HAPLN3: variants seen among roughly 807,000 people sequenced by gnomAD.
The protein encoded by HAPLN3 is hyaluronan and proteoglycan link protein 3.
A neutral mutation model predicts 28.1 loss-of-function variants in HAPLN3; 28 were observed. The observed-to-expected ratio is 1.00, with a 90% confidence interval of 0.74 to 1.37. The LOEUF (loss-of-function observed/expected upper bound fraction) is 1.37. Among genes scored for constraint, HAPLN3 ranks in the 40% most tolerant of loss-of-function variants. HAPLN3 has a pLI of 0.00. For synonymous variants in HAPLN3, 211 were observed against 213.1 expected, an observed-to-expected ratio of 0.99 and a Z score of 0.09; for missense variants, 513 against 504.6, an observed-to-expected ratio of 1.02 and a Z score of -0.16.
chr15:88,887,417 A>G (rs1897894209), intron 1 of HAPLN3, 72 bp from the exon 2 acceptor site: 5 of 1,355,022 alleles, frequency 3.7e-6, no homozygotes, highest in Non-Finnish European at 5.1e-6. Flanking sequence ...CTGCTCCAAC[A>G]CCACTCACTC....
rs1395838276 is a variant in HAPLN3, at chr15:88,880,476, G to A, written c.493+881C>T. 2.4e-6 allele frequency: 3 copies of A among 1,244,038 alleles called. No homozygotes were observed. The highest frequency in any genetic ancestry group is 1.2e-4 in the East Asian group (2 of 17,356). 77.1% of individuals were successfully genotyped at this position (1,244,038 alleles called of 1,614,324 possible). ...CCCCATTTTACACCTGAGAGGCCCAGGGCTCTAAGGGGGATGAGGCATTTA... is the reference window on the plus strand; with the variant it reads ...CCCCATTTTACACCTGAGAGGCCCAAGGCTCTAAGGGGGATGAGGCATTTA... On this transcript the variant is annotated intron_variant, in intron 3 of 4. Transcript: ENST00000359595. This position sits in a 1 kb window ranked among gnomAD's most constrained non-coding sequence, Gnocchi z 6.0.
chr15:88,879,323 G>A lies in HAPLN3; in HGVS notation c.494-54C>T. 6.3e-7 allele frequency: 1 copy of A among 1,599,142 alleles called. No homozygotes were observed. The highest frequency in any genetic ancestry group is 8.5e-7 in the Non-Finnish European group (1 of 1,177,932). ...GGGTGGCCAGGGGCCCAGCTGGCTG[G>A]ACACCCCGCTCTCCTCCCACCTTCA... On this transcript the variant is annotated intron_variant, in intron 3 of 4. Coordinates refer to ENST00000359595, the MANE Select transcript of HAPLN3 (RefSeq NM_178232.4). The surrounding 1 kb of genome is among the most constrained non-coding windows in gnomAD (Gnocchi z 5.0).
rs1897660675 is a variant in HAPLN3 at position 88,880,221 on chromosome 15, G to GT, written c.494-953dup. On this transcript the variant is annotated intron_variant, in intron 3 of 4. Transcript: ENST00000359595. This position sits in a 1 kb window ranked among gnomAD's most constrained non-coding sequence, Gnocchi z 6.0. The stretch of plus-strand genomic sequence containing the variant: ...TAGCCCTTGAAGCCCCGGGAATGGG[G>GT]TGAGGGCTCCCTGTTTCTCTAGGCT... 1.0e-6 allele frequency: 1 copy of GT among 998,956 alleles called. No individual in the cohort carries two copies. Among genetic ancestry groups the GT allele is most frequent in the Admixed American group, 5.8e-5 (1 of 17,166 alleles). The allele number at this position is 998,956 out of a possible 1,614,324, so 61.9% of individuals were successfully genotyped here. A position where few individuals can be genotyped will look rare whatever the true frequency, so the allele number is the denominator to read the frequency against.
Position 88,888,854 on chromosome 15 carries a change from G to T in HAPLN3, c.-47-1509C>A, listed in dbSNP as rs1291691698. 6.6e-6 allele frequency among the ~76,000 whole-genome samples: 1 copy of T among 152,222 alleles called. No individual in the cohort carries two copies. Among genetic ancestry groups the T allele is most frequent in the Admixed American group, 6.5e-5 (1 of 15,276 alleles). ...CCAGTAGGGCACTGCCACTACAAAG[G>T]TGCAGATGCCAGCAAGAGTCCCAAG... On this transcript the variant is annotated intron_variant, in intron 1 of 4. Coordinates refer to ENST00000359595, the MANE Select transcript of HAPLN3 (RefSeq NM_178232.4). The surrounding 1 kb of genome is among the most constrained non-coding windows in gnomAD (Gnocchi z 4.1).
At chr15:88,893,803 T>C (rs1898079593) in intron 1 of HAPLN3, among the ~76,000 whole-genome samples, 1 of 151,390 alleles carries the variant, frequency 6.6e-6, no homozygotes, top group Non-Finnish European at 1.5e-5. Flanking sequence ...TGATGAGCGC[T>C]TGTAGTCCCA....
chr15:88,886,699 C>A (rs1421598562), intron 2 of HAPLN3, among the ~76,000 whole-genome samples: 1 of 152,082 alleles, frequency 6.6e-6, no homozygotes, highest in Non-Finnish European at 1.5e-5. Flanking sequence ...GTGGCACATG[C>A]TTGTAATCCC....
chr15:88,883,003 G>A (rs1897748690), intron 2 of HAPLN3, among the ~76,000 whole-genome samples: 1 of 152,132 alleles, frequency 6.6e-6, no homozygotes, highest in Non-Finnish European at 1.5e-5. Context: ...AGACTCTGTT[G>A]CCAAAAACAA....
chr15:88,894,795 C>G (rs1898112796), intron 1 of HAPLN3, among the ~76,000 whole-genome samples: 1 of 152,316 alleles, frequency 6.6e-6, no homozygotes, highest in East Asian at 1.9e-4. Context: ...ACTGGCTGCG[C>G]ACAAGCCTAC....
intron 1 of HAPLN3, among the ~76,000 whole-genome samples, chr15:88,890,953 C>A (rs1897996631): frequency 6.6e-6 from 1 of 150,902 alleles, no homozygotes; most frequent in African/African-American, 2.4e-5. Context: ...TCTCGGCTCA[C>A]TGCAACTTCT....
chr15:88,878,880 G>T (rs1231973145), intron 4 of HAPLN3, 87 bp downstream of exon 4: 28 of 1,376,372 alleles, frequency 2.0e-5, no homozygotes, highest in Non-Finnish European at 2.6e-5. Context: ...AGCCAGCAGA[G>T]GGGGCCAGAG....
At chr15:88,887,397 C>A in intron 1 of HAPLN3, 52 bp from the exon 2 acceptor site, 3 of 1,487,854 alleles carry the variant, frequency 2.0e-6, no homozygotes, top group Non-Finnish European at 2.7e-6. Context: ...TTCCAGGGCC[C>A]ACATCCCCTC....
At chr15:88,885,988 T>A (rs1391890396) in intron 2 of HAPLN3, among the ~76,000 whole-genome samples, 1 of 152,206 alleles carries the variant, frequency 6.6e-6, no homozygotes, top group Non-Finnish European at 1.5e-5. Flanking sequence ...AGAATCTACT[T>A]TCAGGCTGTG....
rs369947454 is a variant in HAPLN3 at position 88,881,045 on chromosome 15, T to C, written c.493+312A>G. 394 of 400,422 alleles carry C rather than the reference T, an allele frequency of 9.8e-4. 12 individuals carry two copies. In the South Asian group the frequency reaches 0.012, roughly 12 times the overall value. 24.8% of individuals were successfully genotyped at this position (400,422 alleles called of 1,614,324 possible). On this transcript the variant is annotated intron_variant, in intron 3 of 4. Coordinates refer to ENST00000359595, the MANE Select transcript of HAPLN3 (RefSeq NM_178232.4). This position sits in a 1 kb window ranked among gnomAD's most constrained non-coding sequence, Gnocchi z 6.0. ...CTCTAATAAGCTGTGGGACCAGCTCTGGTTTTCCTCTCTCTGAATGAGATG... is the reference window on the plus strand; with the variant it reads ...CTCTAATAAGCTGTGGGACCAGCTCCGGTTTTCCTCTCTCTGAATGAGATG...
At position 88,879,437 on chromosome 15, in the gene HAPLN3, C is replaced by G. The variant is rs748109738; in HGVS notation, c.494-168G>C. 2.6e-6 allele frequency: 4 copies of G among 1,534,412 alleles called. No individual in the cohort carries two copies. The Admixed American group carries it at 7.8e-5, about 30-fold the overall frequency. On this transcript the variant is annotated intron_variant, in intron 3 of 4. Coordinates refer to ENST00000359595, the MANE Select transcript of HAPLN3 (RefSeq NM_178232.4). This position sits in a 1 kb window ranked among gnomAD's most constrained non-coding sequence, Gnocchi z 5.0. ...TCTGACCTCCTGTCCGTTGCCGCCT[C>G]TCTCCTGGGACTCAGCTGGTTCACA... is the stretch of plus-strand genomic sequence containing the variant.
Position 88,877,883 on chromosome 15 carries a change from T to C in HAPLN3, c.*87A>G, listed in dbSNP as rs1897571407. Reference sequence around the variant, plus strand: ...TTAAATTGAGAAGTATAAAAACAGTTAAAATGGCTCCAACCCACAAGGGAA... The same window carrying C: ...TTAAATTGAGAAGTATAAAAACAGTCAAAATGGCTCCAACCCACAAGGGAA... On this transcript the variant is annotated 3_prime_UTR_variant, in exon 5 of 5. Transcript: ENST00000359595. This position sits in a 1 kb window ranked among gnomAD's most constrained non-coding sequence, Gnocchi z 5.1. 1.7e-5 allele frequency: 22 copies of C among 1,329,770 alleles called. No homozygotes were observed. The highest frequency in any genetic ancestry group is 2.2e-5 in the Non-Finnish European group (21 of 975,492). 82.4% of individuals were successfully genotyped at this position (1,329,770 alleles called of 1,614,324 possible). A position where few individuals can be genotyped will look rare whatever the true frequency, so the allele number is the denominator to read the frequency against.
chr15:88,894,881 C>G (rs1898115002), intron 1 of HAPLN3, among the ~76,000 whole-genome samples: 1 of 152,206 alleles, frequency 6.6e-6, no homozygotes, highest in African/African-American at 2.4e-5. Flanking sequence ...CCTCGCTGTC[C>G]CTGGGGCAAG....
chr15:88,877,692 G>T lies in HAPLN3; in HGVS notation c.*278C>A. The T allele has an allele frequency of 2.5e-6, 1 of 404,782 alleles. No homozygotes were observed. Among genetic ancestry groups the T allele is most frequent in the Non-Finnish European group, 4.4e-6 (1 of 226,876 alleles). The allele number at this position is 404,782 out of a possible 1,614,324, so 25.1% of individuals were successfully genotyped here. On this transcript the variant is annotated 3_prime_UTR_variant, in exon 5 of 5. Coordinates refer to ENST00000359595, the MANE Select transcript of HAPLN3 (RefSeq NM_178232.4). This position sits in a 1 kb window ranked among gnomAD's most constrained non-coding sequence, Gnocchi z 5.1. ...CCACTCTGGGCACCAACCTCCTTAA[G>T]GGAGGGAGACCAGCCTGGATGGCGG...
In HAPLN3 at chr15:88,879,366, T is replaced by G. The variant is rs1260501895; in HGVS notation, c.494-97A>C. 2 of 1,575,628 alleles carry G rather than the reference T, an allele frequency of 1.3e-6. No individual in the cohort carries two copies. Among genetic ancestry groups the G allele is most frequent in the Non-Finnish European group, 1.7e-6 (2 of 1,169,286 alleles). On this transcript the variant is annotated intron_variant, in intron 3 of 4. Coordinates refer to ENST00000359595, the MANE Select transcript of HAPLN3 (RefSeq NM_178232.4). This position sits in a 1 kb window ranked among gnomAD's most constrained non-coding sequence, Gnocchi z 5.0. The stretch of plus-strand genomic sequence containing the variant: ...CACCTTCACTGGGACATGTGCTGCC[T>G]GCAACACACACACATACACCATCCC...
chr15:88,880,302 A>G lies in HAPLN3; in HGVS notation c.494-1033T>C. ...GCAGGTTCTCCCCAACTCCACTGCC[A>G]CCCCAACTTCAAGAATGAGGAATGC... On this transcript the variant is annotated intron_variant, in intron 3 of 4. Transcript: ENST00000359595. The surrounding 1 kb of genome is among the most constrained non-coding windows in gnomAD (Gnocchi z 6.0). 1 of 1,058,912 alleles carries G rather than the reference A, an allele frequency of 9.4e-7. No homozygotes were observed. Among genetic ancestry groups the G allele is most frequent in the Non-Finnish European group, 1.1e-6 (1 of 872,596 alleles). The allele number at this position is 1,058,912 out of a possible 1,614,324, so 65.6% of individuals were successfully genotyped here. A position where few individuals can be genotyped will look rare whatever the true frequency, so the allele number is the denominator to read the frequency against.
Sources: allele counts gnomAD v4.1 joint callset (sites outside exome capture counted in the v4.1 genomes callset), GRCh38; gene constraint gnomAD v4.1.1; non-coding constraint Gnocchi (gnomAD v3.1); transcripts MANE v1.5; gene names NCBI Gene and HGNC (gene_info 2026-07-23, HGNC 2026-07-21).